Variants in ADCY5 observed in about 807,000 individuals in gnomAD.
ADCY5 encodes adenylate cyclase 5.
Under a neutral mutation model 119.7 loss-of-function variants are expected in ADCY5, and 30 were observed. That is an observed-to-expected ratio of 0.25 (90% CI 0.19 to 0.34). ADCY5 has a LOEUF of 0.34. ADCY5 is among the 10% of genes least tolerant of loss of function. The pLI, the probability that ADCY5 is intolerant of heterozygous loss-of-function variation, is 1.00. For synonymous variants in ADCY5, 753 were observed against 762.2 expected, an observed-to-expected ratio of 0.99 and a Z score of 0.20; for missense variants, 1,324 against 1,775.2, an observed-to-expected ratio of 0.75 and a Z score of 4.57.
chr3:123,404,567 C>G (rs779077142), intron 1 of ADCY5: 4 of 152,360 alleles, frequency 2.6e-5, no homozygotes, highest in Non-Finnish European at 5.9e-5. Flanking sequence ...CAGCTGTGTT[C>G]CAGAGAGAAG....
intron 1 of ADCY5, among the ~76,000 whole-genome samples, chr3:123,401,998 C>T (rs1318010701): frequency 6.6e-6 from 1 of 152,198 alleles, no homozygotes; most frequent in African/African-American, 2.4e-5. Context: ...GTCACATGGA[C>T]AAGGGCTATG....
At chr3:123,438,536 C>A (rs7632879) in intron 1 of ADCY5, among the ~76,000 whole-genome samples, 1 of 152,164 alleles carries the variant, frequency 6.6e-6, no homozygotes, top group African/African-American at 2.4e-5. Flanking sequence ...TTCACCCTGC[C>A]CAGGACATGA....
intron 1 of ADCY5, among the ~76,000 whole-genome samples, chr3:123,392,521 C>T (rs1944426911): frequency 6.6e-6 from 1 of 152,170 alleles, no homozygotes; most frequent in Admixed American, 6.5e-5. Flanking sequence ...AGACCATCCC[C>T]AGCTCTCATC....
chr3:123,353,854 C>G (rs1303724611), intron 1 of ADCY5, among the ~76,000 whole-genome samples: 1 of 152,212 alleles, frequency 6.6e-6, no homozygotes, highest in Non-Finnish European at 1.5e-5. Context: ...TTGCTCCTTG[C>G]TGAATGTGGT....
rs186653079 is a variant in ADCY5, at chr3:123,423,313, C to A, written c.1134+24099G>T. 2.3e-3 allele frequency among the ~76,000 whole-genome samples: 350 copies of A among 152,344 alleles called. 9 individuals carry two copies. The highest frequency in any genetic ancestry group is 0.016 in the Admixed American group (250 of 15,306). On this transcript the variant is annotated intron_variant, in intron 1 of 20. Coordinates refer to ENST00000462833, the MANE Select transcript of ADCY5 (RefSeq NM_183357.3). The stretch of plus-strand genomic sequence containing the variant: ...GGCTATAAAACCCATCCCCGCCCCA[C>A]CCCTGCGGAGAAGGGGAAGCGGAGG...
At chr3:123,420,527 C>G (rs1194429757) in intron 1 of ADCY5, among the ~76,000 whole-genome samples, 5 of 152,102 alleles carry the variant, frequency 3.3e-5, no homozygotes, top group Non-Finnish European at 2.9e-5. Context: ...TGCCCCAGGC[C>G]CTACAGATGG....
At chr3:123,318,991 T>C (rs1941072039) in intron 10 of ADCY5, among the ~76,000 whole-genome samples, 1 of 152,142 alleles carries the variant, frequency 6.6e-6, no homozygotes, top group African/African-American at 2.4e-5. Flanking sequence ...CCATTGACAA[T>C]GATAATAACA....
intron 20 of ADCY5, 148 bp from the exon 21 acceptor site, chr3:123,284,884 G>GGACT (rs1441627077): frequency 9.3e-7 from 1 of 1,076,992 alleles, no homozygotes; most frequent in Admixed American, 2.2e-5. Context: ...GTGCTCTCAG[G>GGACT]GACTGACAGA....
chr3:123,289,631 C>T, intron 19 of ADCY5, 119 bp downstream of exon 19: 1 of 1,215,146 alleles, frequency 8.2e-7, no homozygotes, highest in Non-Finnish European at 1.2e-6. Context: ...GCCTCTGCTG[C>T]CGCCTGGCCT....
chr3:123,298,128 T>C (rs954631903), intron 15 of ADCY5, among the ~76,000 whole-genome samples: 2 of 152,112 alleles, frequency 1.3e-5, no homozygotes, highest in African/African-American at 4.8e-5. Context: ...GCCTCCCAAG[T>C]AGCTGGGATT....
intron 1 of ADCY5, chr3:123,416,134 G>C: frequency 6.5e-7 from 1 of 1,532,020 alleles, no homozygotes; most frequent in Non-Finnish European, 8.7e-7. Context: ...AGGAGAATCA[G>C]CAGAAAGGGA....
intron 17 of ADCY5, among the ~76,000 whole-genome samples, chr3:123,291,958 T>C (rs1045625931): frequency 4.6e-5 from 7 of 152,162 alleles, no homozygotes; most frequent in African/African-American, 1.7e-4. Flanking sequence ...AGGGACCCCC[T>C]GGGATGAGGA....
rs1263014064 is a variant in ADCY5 at position 123,291,505 on chromosome 3, T to C, written c.3064-129A>G. 20 of 1,189,084 alleles carry C rather than the reference T, an allele frequency of 1.7e-5. No individual in the cohort carries two copies. In the Admixed American group the frequency reaches 5.1e-4, roughly 31 times the overall value. The allele number at this position is 1,189,084 out of a possible 1,614,324, so 73.7% of individuals were successfully genotyped here. On this transcript the variant is annotated intron_variant, in intron 17 of 20. Transcript: ENST00000462833. ...CAAATGCCAACTTGTGCCCAGGATG[T>C]TGGCAAGTACCGCTGTCTCTCCTCC...
rs977261825 is a variant in ADCY5, at chr3:123,325,433, C to T, written c.1977G>A (p.Met659Ile). The change falls in exon 8 of 21, where the codon ATG becomes ATA. Residue 659 changes from methionine (M) to isoleucine (I), a missense_variant. Physicochemically the swap from Met to Ile is conservative, Grantham distance 10. Around this residue, in one of 6 missense-constraint regions of ADCY5, gnomAD observed 424 missense variants for 546.8 expected, o/e 0.78. Transcript: ENST00000462833. ...RKEEKAMIAK[M>I]NRQRTNSIGH... ...CGATGGAGTTGGTTCTCTGGCGGTT[C>T]ATCTTGGCGATCATGGCCTTCTCTT... 3.6e-5 allele frequency: 58 copies of T among 1,614,054 alleles called. No homozygotes were observed. The highest frequency in any genetic ancestry group is 4.8e-5 in the Non-Finnish European group (57 of 1,180,028).
At chr3:123,308,599 G>A (rs1012906681) in intron 12 of ADCY5, among the ~76,000 whole-genome samples, 1 of 152,032 alleles carries the variant, frequency 6.6e-6, no homozygotes, top group African/African-American at 2.4e-5. Context: ...GGAGGCCGAG[G>A]CAGGTGGATC....
At chr3:123,332,463 G>A in intron 4 of ADCY5, 101 bp downstream of exon 4, 1 of 859,698 alleles carries the variant, frequency 1.2e-6, no homozygotes, top group Non-Finnish European at 1.9e-6. Flanking sequence ...GATATACCCA[G>A]GCACATGCCC....
At chr3:123,393,862 C>T (rs372636388) in intron 1 of ADCY5, among the ~76,000 whole-genome samples, 5 of 143,098 alleles carry the variant, frequency 3.5e-5, no homozygotes, top group Admixed American at 6.9e-5. Flanking sequence ...AGCGGCTGGG[C>T]GCGGTGGTTC....
rs575352100 is a variant in ADCY5, at chr3:123,343,960, G to T, written c.1406+3822C>A. Among the ~76,000 whole-genome samples the T allele has an allele frequency of 2.0e-5, 3 of 152,312 alleles. No individual in the cohort carries two copies. The East Asian group carries it at 5.8e-4, about 29-fold the overall frequency. Reference sequence around the variant, plus strand: ...GTCCCCTGGCCTCTGGCCTGCGTCTGCCCACGGCCAGTGGTGGCTCAGCAT... The same window carrying T: ...GTCCCCTGGCCTCTGGCCTGCGTCTTCCCACGGCCAGTGGTGGCTCAGCAT... On this transcript the variant is annotated intron_variant, in intron 3 of 20. Coordinates refer to ENST00000462833, the MANE Select transcript of ADCY5 (RefSeq NM_183357.3).
rs777800836 is a variant in ADCY5, at chr3:123,289,738, G to A, written c.3532+12C>T. ...GCACCCTGGGCTCAGCACTCCCTGG[G>A]CCCCCACTCACCGATCTTCATCTGG... On this transcript the variant is annotated intron_variant, in intron 19 of 20. Coordinates refer to ENST00000462833, the MANE Select transcript of ADCY5 (RefSeq NM_183357.3). The A allele has an allele frequency of 1.7e-5, 28 of 1,612,740 alleles. No homozygotes were observed. The highest frequency in any genetic ancestry group is 2.4e-5 in the Non-Finnish European group (28 of 1,179,798).
Sources: gnomAD v4.1 joint callset for allele counts (sites outside exome capture counted in the v4.1 genomes callset) on GRCh38, gnomAD v4.1.1 for gene constraint, gnomAD v4.1.1 regional missense constraint, MANE v1.5 for transcripts, NCBI Gene and HGNC (gene_info 2026-07-23, HGNC 2026-07-21) for gene names.